Variants in ALDH1A2 observed in about 807,000 individuals in gnomAD.
ALDH1A2 encodes the protein retinal dehydrogenase 2.
A neutral mutation model predicts 60.3 loss-of-function variants in ALDH1A2; 27 were observed. The ratio of observed to expected loss-of-function variants is 0.45; its 90% CI spans 0.33 to 0.62. The LOEUF is 0.62. Among genes scored for constraint, ALDH1A2 ranks in the 20% least tolerant of loss-of-function variants. The probability of loss-of-function intolerance (pLI) is 0.02; values close to 1 mark genes in which losing one functional copy is unlikely to be tolerated. For missense variants in ALDH1A2, 581 were observed against 643.8 expected, an observed-to-expected ratio of 0.90 and a Z score of 1.06; for synonymous variants, 289 against 232.4, an observed-to-expected ratio of 1.24 and a Z score of -2.21.
At chr15:58,039,781 AAGAAG>A (rs1408701297) in intron 1 of ALDH1A2, among the ~76,000 whole-genome samples, 4 of 151,806 alleles carry the variant, frequency 2.6e-5, no homozygotes, top group African/African-American at 2.4e-5. Context: ...GAAAAGAGAA[AAGAAG>A]AGAACAAAAA....
intron 1 of ALDH1A2, among the ~76,000 whole-genome samples, chr15:58,017,688 A>C (rs777595201): frequency 1.3e-5 from 2 of 152,292 alleles, no homozygotes; most frequent in Non-Finnish European, 2.9e-5. Flanking sequence ...TGCCAATTTC[A>C]GGTTACATTA....
At chr15:58,039,676 T>G (rs1896466093) in intron 1 of ALDH1A2, among the ~76,000 whole-genome samples, 1 of 151,826 alleles carries the variant, frequency 6.6e-6, no homozygotes, top group Non-Finnish European at 1.5e-5. Flanking sequence ...CTTTCATTTT[T>G]GTGAAGAGAG....
chr15:57,976,756 T>C (rs1479374933), intron 7 of ALDH1A2, among the ~76,000 whole-genome samples: 1 of 152,208 alleles, frequency 6.6e-6, no homozygotes, highest in Admixed American at 6.5e-5. Flanking sequence ...GAAGAATGAC[T>C]TATAATCCTT....
chr15:58,022,821 C>G (rs1312883238), intron 1 of ALDH1A2, among the ~76,000 whole-genome samples: 1 of 152,052 alleles, frequency 6.6e-6, no homozygotes, highest in Admixed American at 6.6e-5. Context: ...CCAAAATGCC[C>G]CATCCAACCA....
chr15:57,981,657 T>C (rs1439344546), intron 7 of ALDH1A2, among the ~76,000 whole-genome samples: 3 of 152,232 alleles, frequency 2.0e-5, no homozygotes, highest in Admixed American at 6.5e-5. Flanking sequence ...AAGCTGGAAT[T>C]TGATCCATGA....
At chr15:57,967,194 G>T (rs1453855165) in intron 7 of ALDH1A2, among the ~76,000 whole-genome samples, 22 of 143,000 alleles carry the variant, frequency 1.5e-4, no homozygotes, top group South Asian at 2.2e-4. Flanking sequence ...TTTTTAACCA[G>T]TTCTGTCACT....
intron 12 of ALDH1A2, among the ~76,000 whole-genome samples, chr15:57,957,368 G>C (rs548369580): frequency 1.3e-5 from 2 of 152,142 alleles, no homozygotes; most frequent in African/African-American, 4.8e-5. Context: ...GAAGCTCTAC[G>C]GAGGGACCAG....
At chr15:58,032,873 C>T (rs1896280329) in intron 1 of ALDH1A2, among the ~76,000 whole-genome samples, 2 of 151,880 alleles carry the variant, frequency 1.3e-5, no homozygotes, top group African/African-American at 2.4e-5. Context: ...ATGTCATTTG[C>T]AGCAACGTAG....
At position 58,057,313 on chromosome 15, in the gene ALDH1A2, G is replaced by GAT. The variant is rs34310360; in HGVS notation, c.117+8219_117+8220dup. 1.0e-3 allele frequency among the ~76,000 whole-genome samples: 151 copies of GAT among 149,758 alleles called. 1 individual carries two copies. Among genetic ancestry groups the GAT allele is most frequent in the South Asian group, 8.5e-3 (40 of 4,722 alleles). On this transcript the variant is annotated intron_variant, in intron 1 of 12. Coordinates refer to ENST00000249750, the MANE Select transcript of ALDH1A2 (RefSeq NM_003888.4). ...TAACAAGCTAATCAAATTACAGAAG[G>GAT]ATATATATATATATATGGTACATAT...
chr15:57,974,106 C>T (rs1266017832), intron 7 of ALDH1A2, among the ~76,000 whole-genome samples: 1 of 152,094 alleles, frequency 6.6e-6, no homozygotes, highest in Non-Finnish European at 1.5e-5. Flanking sequence ...TGCGATGCAA[C>T]AGTCACACAG....
chr15:57,985,526 CCATAATT>C (rs1894668358), intron 7 of ALDH1A2, among the ~76,000 whole-genome samples: 1 of 152,082 alleles, frequency 6.6e-6, no homozygotes, highest in Non-Finnish European at 1.5e-5. Context: ...AGTGGCTGGT[CCATAATT>C]ATATAGCTAT....
At chr15:58,034,691 T>G (rs1312580258) in intron 1 of ALDH1A2, among the ~76,000 whole-genome samples, 1 of 151,734 alleles carries the variant, frequency 6.6e-6, no homozygotes, top group Non-Finnish European at 1.5e-5. Context: ...GGGTGCTGAA[T>G]TTTGTCAAAT....
chr15:57,984,335 T>C (rs566785951), intron 7 of ALDH1A2, among the ~76,000 whole-genome samples: 1,804 of 152,342 alleles, frequency 0.012, 40 homozygotes, highest in African/African-American at 0.042. Context: ...GTAAAGCCTT[T>C]AATACTTTGT....
At chr15:57,979,119 T>C (rs1376325909) in intron 7 of ALDH1A2, among the ~76,000 whole-genome samples, 1 of 152,046 alleles carries the variant, frequency 6.6e-6, no homozygotes, top group Admixed American at 6.5e-5. Flanking sequence ...CAGGCCTCAC[T>C]TTCCCCACTG....
At chr15:58,024,891 G>A (rs1331906966) in intron 1 of ALDH1A2, among the ~76,000 whole-genome samples, 1 of 152,024 alleles carries the variant, frequency 6.6e-6, no homozygotes, top group Non-Finnish European at 1.5e-5. Context: ...AACAACTCTG[G>A]AAACGATACA....
intron 1 of ALDH1A2, among the ~76,000 whole-genome samples, chr15:58,058,811 A>C (rs1267941246): frequency 1.3e-5 from 2 of 152,202 alleles, no homozygotes; most frequent in Non-Finnish European, 2.9e-5. Flanking sequence ...ACTGGAGTAA[A>C]AGAAAGGCTT....
chr15:58,059,894 A>G (rs1595698118), intron 1 of ALDH1A2, among the ~76,000 whole-genome samples: 2 of 152,208 alleles, frequency 1.3e-5, no homozygotes, highest in Admixed American at 1.3e-4. Flanking sequence ...AAGAATACAT[A>G]AAACAGACCG....
At chr15:57,964,587 C>T (rs1893834351) in intron 8 of ALDH1A2, 1 of 158,438 alleles carries the variant, frequency 6.3e-6, no homozygotes, top group African/African-American at 2.4e-5. Context: ...TTTACAACTC[C>T]TAAATCTACA....
intron 7 of ALDH1A2, among the ~76,000 whole-genome samples, chr15:57,967,650 A>G (rs1186830886): frequency 6.6e-6 from 1 of 152,222 alleles, no homozygotes; most frequent in African/African-American, 2.4e-5. Context: ...CCTTAGGGGG[A>G]AAAAGTGATG....
Sources: gnomAD v4.1 joint callset for allele counts (sites outside exome capture counted in the v4.1 genomes callset) on GRCh38, gnomAD v4.1.1 for gene constraint, MANE v1.5 for transcripts, NCBI Gene and HGNC (gene_info 2026-07-23, HGNC 2026-07-21) for gene names.